The following CUEDC1 variants were observed in gnomAD, a reference collection of about 807,000 sequenced individuals.
CUEDC1 encodes the protein CUE domain containing 1.
Under a neutral mutation model 43.7 loss-of-function variants are expected in CUEDC1, and 30 were observed. The observed-to-expected ratio is 0.69, with a 90% CI of 0.51 to 0.93. The LOEUF (loss-of-function observed/expected upper bound fraction) is 0.93. CUEDC1 is among the 40% of genes least tolerant of loss of function. The pLI is 0.00. For missense variants in CUEDC1, 486 were observed against 549.0 expected, an observed-to-expected ratio of 0.89 and a Z score of 1.15; for synonymous variants, 223 against 223.6, an observed-to-expected ratio of 1.00 and a Z score of 0.02.
chr17:57,868,423 C>A, intron 7 of CUEDC1, 180 bp from the exon 8 acceptor site: 1 of 616,538 alleles, frequency 1.6e-6, no homozygotes, highest in Non-Finnish European at 2.9e-6. Context: ...GAGGACGCCA[C>A]CCCAGGAGCA....
chr17:57,867,481 AC>A (rs1357734994), intron 8 of CUEDC1, 66 bp from the exon 9 acceptor site: 3 of 1,407,656 alleles, frequency 2.1e-6, no homozygotes, highest in Non-Finnish European at 2.9e-6. Context: ...TCCCAGTCCC[AC>A]TGACTCTCTG....
chr17:57,934,611 T>C (rs1470081921), intron 1 of CUEDC1, among the ~76,000 whole-genome samples: 1 of 144,386 alleles, frequency 6.9e-6, no homozygotes, highest in Non-Finnish European at 1.5e-5. Flanking sequence ...TATTTGGATA[T>C]GAACCCCTAT....
At chr17:57,881,924 C>T (rs1406141718) in intron 2 of CUEDC1, among the ~76,000 whole-genome samples, 1 of 152,188 alleles carries the variant, frequency 6.6e-6, no homozygotes, top group African/African-American at 2.4e-5. Context: ...GCCCGAGTCC[C>T]AAGGAGAGTA....
intron 9 of CUEDC1, chr17:57,866,857 G>A (rs2073966348): frequency 5.1e-6 from 2 of 394,800 alleles, no homozygotes; most frequent in Non-Finnish European, 9.4e-6. Flanking sequence ...GGCCCTTCCA[G>A]TCCTTGTTTC....
intron 1 of CUEDC1, among the ~76,000 whole-genome samples, chr17:57,945,627 T>C (rs1296988008): frequency 2.0e-5 from 3 of 152,190 alleles, no homozygotes; most frequent in Non-Finnish European, 2.9e-5. Context: ...ATGAAAATAA[T>C]AACAATAACA....
intron 1 of CUEDC1, among the ~76,000 whole-genome samples, chr17:57,935,378 G>GACACAC (rs146002407): frequency 0.094 from 13,376 of 141,988 alleles, 765 homozygotes; most frequent in Non-Finnish European, 0.14. Context: ...CCTTCCATTA[G>GACACAC]ACACACACAC....
At chr17:57,901,978 G>A (rs190229019) in intron 1 of CUEDC1, among the ~76,000 whole-genome samples, 139 of 152,060 alleles carry the variant, frequency 9.1e-4, no homozygotes, top group African/African-American at 3.0e-3. Context: ...GTTCAAGATC[G>A]GCCTGGACAA....
At chr17:57,908,088 G>A (rs111629518) in intron 1 of CUEDC1, among the ~76,000 whole-genome samples, 1 of 151,754 alleles carries the variant, frequency 6.6e-6, no homozygotes, top group East Asian at 1.9e-4. Context: ...ACGAAATCTC[G>A]CTCTGTTTCC....
intron 1 of CUEDC1, among the ~76,000 whole-genome samples, chr17:57,924,483 A>G (rs1185728891): frequency 6.6e-6 from 1 of 152,194 alleles, no homozygotes; most frequent in Non-Finnish European, 1.5e-5. Context: ...GGCAGAGAAG[A>G]AAGGGAAAAG....
intron 1 of CUEDC1, among the ~76,000 whole-genome samples, chr17:57,932,606 AAAAAAAG>A (rs1663280212): frequency 1.4e-5 from 2 of 143,724 alleles, no homozygotes; most frequent in African/African-American, 5.6e-5. Context: ...AAAAAAAAAA[AAAAAAAG>A]TCTGTTGGAG....
rs1568021277 is a variant in CUEDC1 at position 57,861,263 on chromosome 17, T to C, written c.*2026A>G. 2 of 152,256 alleles carry C rather than the reference T, an allele frequency of 1.3e-5. No homozygotes were observed. The allele number at this position is 152,256 out of a possible 1,614,324, so 9.4% of individuals were successfully genotyped here. The stretch of plus-strand genomic sequence containing the variant: ...CAGTCTGCCTTTAATCCAGAAGCTG[T>C]TTATTTAGGGAGGTGGCCGTCTGGA... On this transcript the variant is annotated 3_prime_UTR_variant, in exon 11 of 11. Transcript: ENST00000577830.
At chr17:57,903,937 C>CA (rs34746551) in intron 1 of CUEDC1, among the ~76,000 whole-genome samples, 56,652 of 138,940 alleles carry the variant, frequency 0.41, 13,374 homozygotes, top group East Asian at 0.96. Context: ...GACCGTGTTT[C>CA]AAAAAAAAAA....
At chr17:57,933,908 C>A (rs753619104) in intron 1 of CUEDC1, among the ~76,000 whole-genome samples, 5 of 152,114 alleles carry the variant, frequency 3.3e-5, no homozygotes, top group Non-Finnish European at 7.4e-5. Context: ...GAGAGGCCAG[C>A]CCAATGTTAA....
Position 57,923,372 on chromosome 17 carries a change from G to C in CUEDC1, c.-316+31853C>G, listed in dbSNP as rs536043077. The stretch of plus-strand genomic sequence containing the variant: ...TGACTCTCTCTCTCTTTGGCTTCCT[G>C]TTGGCTTTTTGGGTTCTACCAAGAG... On this transcript the variant is annotated intron_variant, in intron 1 of 10. Transcript: ENST00000577830. Among the ~76,000 whole-genome samples the C allele has an allele frequency of 2.6e-5, 4 of 152,314 alleles. No homozygotes were observed. In the South Asian group the frequency reaches 8.3e-4, roughly 32 times the overall value.
intron 1 of CUEDC1, among the ~76,000 whole-genome samples, chr17:57,939,090 CCAGAGTAGCTGGGACTACAGGAGTGTGA>C (rs2143197617): frequency 6.6e-6 from 1 of 151,378 alleles, no homozygotes; most frequent in African/African-American, 2.4e-5. Flanking sequence ...GCCTCAGCCT[CCAGAGTAGCTGGGACTACAGGAGTGTGA>C]CACCATGCCT....
chr17:57,912,948 G>A (rs766558751), intron 1 of CUEDC1, among the ~76,000 whole-genome samples: 5 of 152,108 alleles, frequency 3.3e-5, no homozygotes, highest in South Asian at 2.1e-4. Context: ...GCTCAAAAGC[G>A]ATCCTCCCAC....
intron 1 of CUEDC1, among the ~76,000 whole-genome samples, chr17:57,895,258 G>C (rs1371319242): frequency 6.6e-6 from 1 of 152,192 alleles, no homozygotes; most frequent in East Asian, 1.9e-4. Flanking sequence ...GAACCCAGAA[G>C]GTCCGATTCC....
At chr17:57,951,153 C>G (rs767882869) in intron 1 of CUEDC1, among the ~76,000 whole-genome samples, 1 of 144,244 alleles carries the variant, frequency 6.9e-6, no homozygotes, top group Non-Finnish European at 1.5e-5. Context: ...ACAGTTTTTA[C>G]CAAAGATTTT....
At chr17:57,917,938 C>T (rs979663813) in intron 1 of CUEDC1, among the ~76,000 whole-genome samples, 1 of 152,216 alleles carries the variant, frequency 6.6e-6, no homozygotes, top group Admixed American at 6.5e-5. Context: ...ACATGGACTG[C>T]TCTGTGTAGT....
Sources: allele counts gnomAD v4.1 joint callset (sites outside exome capture counted in the v4.1 genomes callset), GRCh38; gene constraint gnomAD v4.1.1; transcripts MANE v1.5; gene names NCBI Gene and HGNC (gene_info 2026-07-23, HGNC 2026-07-21).